IGF1R: variants seen among roughly 807,000 people sequenced by gnomAD.
IGF1R encodes insulin-like growth factor 1 receptor.
IGF1R carries 44 observed loss-of-function variants against 144.6 expected under a neutral mutation model. That is an observed-to-expected ratio of 0.30 (90% confidence interval 0.24 to 0.39). The LOEUF (loss-of-function observed/expected upper bound fraction) is 0.39. Among genes scored for constraint, IGF1R ranks in the 10% least tolerant of loss-of-function variants. The pLI, the probability that IGF1R is intolerant of heterozygous loss-of-function variation, is 1.00. For missense variants in IGF1R, 1,355 were observed against 1,833.7 expected, an observed-to-expected ratio of 0.74 and a Z score of 4.77; for synonymous variants, 795 against 722.8, an observed-to-expected ratio of 1.10 and a Z score of -1.60.
chr15:98,934,924 G>A lies in IGF1R; in HGVS notation c.3057G>A (p.Lys1019=), dbSNP rs1390558504. Residue 1019 remains lysine, a synonymous_variant, in exon 16 of 21, where the codon AAG becomes AAA. Transcript: ENST00000650285. ...SFGMVYEGVA[K]GVVKDEPETR... ...GGATGGTCTATGAAGGAGTTGCCAA[G>A]GGTGTGGTGAAAGATGAACCTGAAA... 6.2e-7 allele frequency: 1 copy of A among 1,614,062 alleles called. No individual in the cohort carries two copies. Among genetic ancestry groups the A allele is most frequent in the Non-Finnish European group, 8.5e-7 (1 of 1,180,034 alleles).
rs147485884 is a variant in IGF1R at position 98,861,463 on chromosome 15, CCT to C, written c.641-29856_641-29855del. On this transcript the variant is annotated intron_variant, in intron 2 of 20. Coordinates refer to ENST00000650285, the MANE Select transcript of IGF1R (RefSeq NM_000875.5). ...GTGTTCATAACCCCAACCTCCATGG[CCT>C]CTCTCGCAGTTCTCAGGTTAGGCCC... 3.6e-3 allele frequency among the ~76,000 whole-genome samples: 544 copies of C among 152,326 alleles called. 2 individuals are homozygous for C. Among genetic ancestry groups the C allele is most frequent in the African/African-American group, 0.013 (520 of 41,562 alleles).
intron 5 of IGF1R, among the ~76,000 whole-genome samples, chr15:98,907,788 A>G (rs922287581): frequency 1.3e-5 from 2 of 152,224 alleles, no homozygotes; most frequent in South Asian, 2.1e-4. Flanking sequence ...ACTCGTGTGC[A>G]CACCCTCTGG....
chr15:98,739,358 G>A (rs3743264), intron 2 of IGF1R, among the ~76,000 whole-genome samples: 95,421 of 151,982 alleles, frequency 0.63, 30,235 homozygotes, highest in Non-Finnish European at 0.67. Flanking sequence ...TTAGGCCTGC[G>A]TGCTGTGTTT....
chr15:98,730,649 T>C (rs894073251), intron 2 of IGF1R, among the ~76,000 whole-genome samples: 3 of 152,204 alleles, frequency 2.0e-5, no homozygotes, highest in African/African-American at 4.8e-5. Flanking sequence ...GGGAAGAATT[T>C]AAGAATTTGA....
chr15:98,923,991 A>G lies in IGF1R; in HGVS notation c.2601A>G (p.Ile867Met). ...NPNGLILMYEIKYGSQVEDQR... is the reference protein window; with the variant it reads ...NPNGLILMYEMKYGSQVEDQR... Reference sequence around the variant, plus strand: ...ATGGATTGATTCTAATGTATGAAATAAAATACGGATCACAAGTTGAGGTAG... The same window carrying G: ...ATGGATTGATTCTAATGTATGAAATGAAATACGGATCACAAGTTGAGGTAG... The change falls in exon 12 of 21, where the codon ATA becomes ATG. Residue 867 changes from isoleucine (I) to methionine (M), a missense_variant. By Grantham distance (10) the Ile-to-Met change is conservative. Transcript: ENST00000650285. 6.2e-7 allele frequency: 1 copy of G among 1,614,188 alleles called. No individual in the cohort carries two copies. The highest frequency in any genetic ancestry group is 8.5e-7 in the Non-Finnish European group (1 of 1,179,978).
chr15:98,706,013 T>C (rs534914636), intron 1 of IGF1R, among the ~76,000 whole-genome samples: 1 of 152,358 alleles, frequency 6.6e-6, no homozygotes, highest in South Asian at 2.1e-4. Context: ...AGGCACCCTT[T>C]GGGAGCCGGC....
chr15:98,720,421 A>T (rs1263511497), intron 2 of IGF1R, among the ~76,000 whole-genome samples: 1 of 152,234 alleles, frequency 6.6e-6, no homozygotes, highest in Non-Finnish European at 1.5e-5. Flanking sequence ...CGTGGCTTTC[A>T]GTAAACACTA....
At chr15:98,806,078 G>A (rs531446996) in intron 2 of IGF1R, among the ~76,000 whole-genome samples, 3 of 152,262 alleles carry the variant, frequency 2.0e-5, no homozygotes, top group South Asian at 4.1e-4. Flanking sequence ...TAACTTGCTA[G>A]GTTATTAAAC....
intron 2 of IGF1R, among the ~76,000 whole-genome samples, chr15:98,850,397 G>T (rs1016482148): frequency 6.6e-6 from 1 of 152,204 alleles, no homozygotes; most frequent in Non-Finnish European, 1.5e-5. Context: ...ATGGTCTGGA[G>T]ACTGGAATAT....
chr15:98,660,546 T>C (rs1326726426), intron 1 of IGF1R: 1 of 152,266 alleles, frequency 6.6e-6, no homozygotes, highest in Non-Finnish European at 1.5e-5. Context: ...CCATTCACTT[T>C]GAAGCACTTC....
chr15:98,849,033 A>G (rs1173015856), intron 2 of IGF1R, among the ~76,000 whole-genome samples: 1 of 151,678 alleles, frequency 6.6e-6, no homozygotes, highest in East Asian at 1.9e-4. Context: ...TATAAATCCA[A>G]ATACAACAGA....
chr15:98,957,389 G>A lies in IGF1R; in HGVS notation c.4051G>A (p.Gly1351Arg), dbSNP rs548962243. The change falls in exon 21 of 21, where the codon GGG (glycine) becomes AGG (arginine). Residue 1351 changes from glycine (G) to arginine (R), a missense_variant. By Grantham distance (125) the Gly-to-Arg change is moderately radical. This residue lies in a region of IGF1R where 219 missense variants were observed against 188.8 expected (regional missense o/e 1.16). Transcript: ENST00000650285. ...DERQPYAHMN[G>R]GRKNERALPL... is the part of the protein sequence containing the mutation. ...GAGACAGCCTTACGCCCACATGAAC[G>A]GGGGCCGCAAGAACGAGCGGGCCTT... The A allele has an allele frequency of 9.3e-6, 15 of 1,613,270 alleles. No homozygotes were observed. The highest frequency in any genetic ancestry group is 3.3e-4 in the Middle Eastern group (2 of 6,052).
chr15:98,835,075 C>A (rs970858775), intron 2 of IGF1R, among the ~76,000 whole-genome samples: 1 of 79,418 alleles, frequency 1.3e-5, no homozygotes, highest in Non-Finnish European at 2.6e-5. Flanking sequence ...AGAGAACACC[C>A]CCCCTACACA....
intron 20 of IGF1R, among the ~76,000 whole-genome samples, chr15:98,951,684 T>C (rs944156454): frequency 9.9e-5 from 15 of 152,232 alleles, no homozygotes; most frequent in African/African-American, 3.4e-4. Flanking sequence ...GCATAGGTAG[T>C]ATGCCCTGCA....
chr15:98,810,559 T>C (rs551452156), intron 2 of IGF1R, among the ~76,000 whole-genome samples: 27 of 150,700 alleles, frequency 1.8e-4, no homozygotes, highest in East Asian at 9.7e-4. Context: ...CTTTTCTTTT[T>C]TTTTTTTTTT....
At chr15:98,907,320 A>G (rs1294874652) in intron 5 of IGF1R, among the ~76,000 whole-genome samples, 1 of 152,216 alleles carries the variant, frequency 6.6e-6, no homozygotes, top group Non-Finnish European at 1.5e-5. Flanking sequence ...GTTTGGGTGT[A>G]AATGAAGACC....
chr15:98,924,786 A>G, intron 13 of IGF1R, 102 bp downstream of exon 13: 2 of 1,109,978 alleles, frequency 1.8e-6, no homozygotes, highest in Non-Finnish European at 2.7e-6. Context: ...TTCTGTTAAA[A>G]TGGAGTTGGC....
At position 98,963,727 on chromosome 15, in the gene IGF1R, G is replaced by C. The variant is rs1198512839; in HGVS notation, c.*6285G>C. The C allele has an allele frequency of 4.3e-6, 1 of 233,084 alleles. No individual in the cohort carries two copies. Among genetic ancestry groups the C allele is most frequent in the Non-Finnish European group, 8.5e-6 (1 of 118,002 alleles). 14.4% of individuals were successfully genotyped at this position (233,084 alleles called of 1,614,324 possible). ...TCGTATCATGACTGATTACTGCTTT[G>C]TTAGAACACAGAAGAGACCCTATTT... is the stretch of plus-strand genomic sequence containing the variant. On this transcript the variant is annotated 3_prime_UTR_variant, in exon 21 of 21. Coordinates refer to ENST00000650285, the MANE Select transcript of IGF1R (RefSeq NM_000875.5).
At chr15:98,716,585 A>G (rs547067519) in intron 2 of IGF1R, among the ~76,000 whole-genome samples, 43 of 152,290 alleles carry the variant, frequency 2.8e-4, no homozygotes, top group Non-Finnish European at 4.7e-4. Flanking sequence ...GTTTCGTCTG[A>G]TTGCACATAG....
Sources: allele counts gnomAD v4.1 joint callset (sites outside exome capture counted in the v4.1 genomes callset), GRCh38; gene constraint gnomAD v4.1.1; regional missense constraint gnomAD v4.1.1; transcripts MANE v1.5; gene names NCBI Gene and HGNC (gene_info 2026-07-23, HGNC 2026-07-21).